Variants in TSPAN11 observed in about 807,000 individuals in gnomAD.
The protein encoded by TSPAN11 is tetraspanin 11.
TSPAN11 carries 29 observed loss-of-function variants against 32.9 expected under a neutral mutation model. That is an observed-to-expected ratio of 0.88 (90% CI 0.66 to 1.20). The LOEUF is 1.20. Ranked by LOEUF, TSPAN11 falls within the 50% of genes most tolerant of loss-of-function variation. The probability of loss-of-function intolerance (pLI) is 0.00; values close to 1 mark genes in which losing one functional copy is unlikely to be tolerated. For missense variants in TSPAN11, 283 were observed against 329.1 expected, an observed-to-expected ratio of 0.86 and a Z score of 1.08; for synonymous variants, 140 against 141.3, an observed-to-expected ratio of 0.99 and a Z score of 0.07.
intron 1 of TSPAN11, among the ~76,000 whole-genome samples, chr12:30,931,197 A>G (rs1318477766): frequency 2.0e-5 from 3 of 152,176 alleles, no homozygotes; most frequent in Non-Finnish European, 4.4e-5. Context: ...CCAAACTTCA[A>G]TATAAATGAG....
At chr12:30,998,374 T>C (rs974108088), downstream of TSPAN11, among the ~76,000 whole-genome samples, 1 of 152,228 alleles carries the variant, frequency 6.6e-6, no homozygotes, top group Admixed American at 6.5e-5. Flanking sequence ...CAAGTTGTCA[T>C]TGCTGCCTCT....
chr12:30,961,258 C>T (rs1324241262), intron 2 of TSPAN11, among the ~76,000 whole-genome samples: 1 of 151,850 alleles, frequency 6.6e-6, no homozygotes, highest in African/African-American at 2.4e-5. Context: ...GCCATTAATT[C>T]AGAACCATCT....
At chr12:30,977,334 T>C (rs1938995740) in intron 3 of TSPAN11, among the ~76,000 whole-genome samples, 1 of 152,186 alleles carries the variant, frequency 6.6e-6, no homozygotes, top group Non-Finnish European at 1.5e-5. Flanking sequence ...CCCACACTCC[T>C]TTCCCTGCTG....
downstream of TSPAN11, among the ~76,000 whole-genome samples, chr12:30,997,922 C>T (rs900184630): frequency 6.6e-5 from 10 of 152,220 alleles, no homozygotes; most frequent in Non-Finnish European, 1.5e-4. Flanking sequence ...CAGTCGCTCT[C>T]CTGTGTCTGC....
chr12:30,979,233 C>A (rs373996297), intron 4 of TSPAN11, among the ~76,000 whole-genome samples: 63 of 152,176 alleles, frequency 4.1e-4, no homozygotes, highest in Middle Eastern at 3.2e-3. Flanking sequence ...GATCAACAGA[C>A]ATTTCAAAGC....
the TSPAN11 span, chr12:31,005,924 G>A: frequency 6.5e-6 from 1 of 154,802 alleles, no homozygotes; most frequent in Non-Finnish European, 1.4e-5. Context: ...TGCCCCACAA[G>A]TTGGGGTGTC....
intron 1 of TSPAN11, among the ~76,000 whole-genome samples, chr12:30,927,816 G>T (rs2140264722): frequency 6.6e-6 from 1 of 152,288 alleles, no homozygotes; most frequent in Non-Finnish European, 1.5e-5. Flanking sequence ...CAGTAGCATT[G>T]TTCCCTGGAC....
intron 2 of TSPAN11, 77 bp downstream of exon 2, chr12:30,954,152 C>A: frequency 1.9e-6 from 2 of 1,041,564 alleles, no homozygotes; most frequent in Non-Finnish European, 3.0e-6. Flanking sequence ...TTTGTGTCAC[C>A]ACTTTGAGGT....
intron 7 of TSPAN11, among the ~76,000 whole-genome samples, chr12:30,983,542 G>C (rs1939140405): frequency 6.6e-6 from 1 of 152,086 alleles, no homozygotes; most frequent in African/African-American, 2.4e-5. Context: ...TGTGTTTAGG[G>C]GTGCTTGTGC....
chr12:30,967,774 G>A (rs573127216), intron 3 of TSPAN11, among the ~76,000 whole-genome samples: 5 of 101,036 alleles, frequency 4.9e-5, no homozygotes, highest in East Asian at 2.1e-4. Context: ...CTGCCAGGGC[G>A]CTAGCAAACA....
At chr12:30,929,460 T>C (rs1937872237) in intron 1 of TSPAN11, among the ~76,000 whole-genome samples, 1 of 152,180 alleles carries the variant, frequency 6.6e-6, no homozygotes. Context: ...ATGTGAGAAC[T>C]CGAACCCATC....
At chr12:30,958,863 T>G (rs993610942) in intron 2 of TSPAN11, among the ~76,000 whole-genome samples, 1 of 151,994 alleles carries the variant, frequency 6.6e-6, no homozygotes, top group Non-Finnish European at 1.5e-5. Flanking sequence ...CAGTGGGTAT[T>G]GGTTGAAAGA....
intron 7 of TSPAN11, among the ~76,000 whole-genome samples, chr12:30,988,062 C>T (rs2140311657): frequency 6.6e-6 from 1 of 152,318 alleles, no homozygotes; most frequent in East Asian, 1.9e-4. Context: ...TCGGCAGAGG[C>T]CCCTCCATGC....
chr12:30,956,488 C>T (rs1279087922), intron 2 of TSPAN11, among the ~76,000 whole-genome samples: 3 of 152,178 alleles, frequency 2.0e-5, no homozygotes, highest in East Asian at 1.9e-4. Context: ...TCCACCTGAA[C>T]GAGGGCAGAC....
At chr12:30,976,877 G>C (rs1186138267) in intron 3 of TSPAN11, among the ~76,000 whole-genome samples, 3 of 152,214 alleles carry the variant, frequency 2.0e-5, no homozygotes, top group Non-Finnish European at 4.4e-5. Context: ...TGACCCTGGG[G>C]GAGGGGCACA....
intron 3 of TSPAN11, among the ~76,000 whole-genome samples, chr12:30,964,653 C>T (rs1472655997): frequency 6.6e-6 from 1 of 152,184 alleles, no homozygotes; most frequent in Non-Finnish European, 1.5e-5. Context: ...AGCATGTCAT[C>T]TGTTAGAGTT....
chr12:30,983,404 G>A (rs1332443635), intron 7 of TSPAN11, among the ~76,000 whole-genome samples: 8 of 152,220 alleles, frequency 5.3e-5, no homozygotes, highest in Non-Finnish European at 1.0e-4. Flanking sequence ...TGGGCGGAGT[G>A]TGAGTGTGGG....
rs1359231587 is a variant in TSPAN11, at chr12:30,978,603, G to T, written c.319G>T (p.Ala107Ser). ...CGTCATCTTCCTGGTTGAGCTGGTGGCGGGAGTCCTGGCCCATGTGTATTA... is the reference window on the plus strand; with the variant it reads ...CGTCATCTTCCTGGTTGAGCTGGTGTCGGGAGTCCTGGCCCATGTGTATTA... ...LLVIFLVELV[A>S]GVLAHVYYQR... Residue 107 changes from alanine (A) to serine (S), a missense_variant, in exon 4 of 8, where the codon GCG becomes TCG. By Grantham distance (99) the Ala-to-Ser change is moderately conservative. Coordinates refer to ENST00000546076, the MANE Select transcript of TSPAN11 (RefSeq NM_001370302.1). 1.2e-6 allele frequency: 2 copies of T among 1,614,226 alleles called. No homozygotes were observed. Among genetic ancestry groups the T allele is most frequent in the East Asian group, 2.2e-5 (1 of 44,890 alleles).
At chr12:30,991,743 TTTGC>T in intron 7 of TSPAN11, 109 bp from the exon 8 acceptor site, 1 of 1,158,170 alleles carries the variant, frequency 8.6e-7, no homozygotes, top group Non-Finnish European at 1.3e-6. Flanking sequence ...GAATCTGCCC[TTTGC>T]CCAGGCCCCA....
Sources: gnomAD v4.1 joint callset for allele counts (sites outside exome capture counted in the v4.1 genomes callset) on GRCh38, gnomAD v4.1.1 for gene constraint, MANE v1.5 for transcripts, NCBI Gene and HGNC (gene_info 2026-07-23, HGNC 2026-07-21) for gene names.